MEI1: variants seen among roughly 807,000 people sequenced by gnomAD.
MEI1 encodes meiotic double-stranded break formation protein 1, also known as meiosis inhibitor protein 1.
Under a neutral mutation model 146.2 loss-of-function variants are expected in MEI1, and 103 were observed. The ratio of observed to expected loss-of-function variants is 0.70; its 90% CI spans 0.60 to 0.83. The LOEUF is 0.83. Among genes scored for constraint, MEI1 ranks in the 40% least tolerant of loss-of-function variants. The pLI, the probability that MEI1 is intolerant of heterozygous loss-of-function variation, is 0.00. For missense variants in MEI1, 1,529 were observed against 1,533.0 expected (o/e 1.00, Z 0.04); for synonymous variants, 652 against 628.2 (o/e 1.04, Z -0.57).
intron 9 of MEI1, 137 bp downstream of exon 9, chr22:41,730,774 CAT>C: frequency 1.7e-6 from 1 of 604,770 alleles, no homozygotes; most frequent in Non-Finnish European, 3.0e-6. Context: ...AGCCCAAACT[CAT>C]TACCAGATTT....
chr22:41,717,790 A>G (rs1189789064), intron 5 of MEI1, among the ~76,000 whole-genome samples: 1 of 150,810 alleles, frequency 6.6e-6, no homozygotes, highest in Non-Finnish European at 1.5e-5. Context: ...TAATTTTTGT[A>G]TTTTTAGTAG....
rs1384619533 is a variant in MEI1, at chr22:41,793,877, C to G, written c.3394C>G (p.Leu1132Val). Residue 1132 changes from leucine to valine, a missense_variant, in exon 27 of 31, where the codon CTT (leucine) becomes GTT (valine). By Grantham distance (32) the Leu-to-Val change is conservative. Around this residue, in one of 3 missense-constraint regions of MEI1, gnomAD observed 313 missense variants for 337.3 expected, o/e 0.93. Coordinates refer to ENST00000401548, the MANE Select transcript of MEI1 (RefSeq NM_152513.4). Reference sequence around the variant, plus strand: ...CTGTGTTGGCTGCCTGGAGGCCTTGCTTGACTACCTGGATGCCCGGAGCCC... The same window carrying G: ...CTGTGTTGGCTGCCTGGAGGCCTTGGTTGACTACCTGGATGCCCGGAGCCC... The part of the protein sequence containing the change: ...QACVGCLEAL[L>V]DYLDARSPDI... The G allele has an allele frequency of 1.2e-6, 2 of 1,612,292 alleles. No homozygotes were observed.
At chr22:41,710,931 G>A (rs371243037) in intron 3 of MEI1, among the ~76,000 whole-genome samples, 1 of 152,176 alleles carries the variant, frequency 6.6e-6, no homozygotes. Context: ...CCAGCGCATA[G>A]CCTCCAGCTC....
At chr22:41,798,671 G>A (rs2076463591) in intron 30 of MEI1, among the ~76,000 whole-genome samples, 1 of 150,804 alleles carries the variant, frequency 6.6e-6, no homozygotes, top group Non-Finnish European at 1.5e-5. Context: ...GTTCTGAGAC[G>A]AGCCTGGCCT....
At chr22:41,754,071 C>G in intron 17 of MEI1, 25 bp downstream of exon 17, 1 of 1,535,422 alleles carries the variant, frequency 6.5e-7, no homozygotes, top group Non-Finnish European at 9.0e-7. Context: ...TTTGACCACT[C>G]ATGTGGCCTG....
At chr22:41,706,544 T>C (rs2069109291) in intron 3 of MEI1, among the ~76,000 whole-genome samples, 1 of 151,988 alleles carries the variant, frequency 6.6e-6, no homozygotes, top group African/African-American at 2.4e-5. Flanking sequence ...TGCACACAGA[T>C]GGTGGTTAAA....
chr22:41,780,626 G>T (rs1202465549), intron 22 of MEI1, among the ~76,000 whole-genome samples: 1 of 149,208 alleles, frequency 6.7e-6, no homozygotes, highest in Admixed American at 6.7e-5. Flanking sequence ...TGTCACCCAG[G>T]TTGAAGTATA....
intron 1 of MEI1, among the ~76,000 whole-genome samples, chr22:41,702,877 G>A (rs1357465463): frequency 2.0e-5 from 3 of 152,012 alleles, no homozygotes; most frequent in Admixed American, 6.6e-5. Flanking sequence ...CTGCCACCAT[G>A]CCCGAGTAAT....
In MEI1 at chr22:41,699,552, A is replaced by C. The variant is rs1415443784; in HGVS notation, c.14A>C (p.Gln5Pro). Residue 5 changes from glutamine to proline, a missense_variant, in exon 1 of 31, where the codon CAG (glutamine) becomes CCG (proline). This residue lies in a region of MEI1 where 1,212 missense variants were observed against 1,178.9 expected (regional missense o/e 1.03). Coordinates refer to ENST00000401548, the MANE Select transcript of MEI1 (RefSeq NM_152513.4). ...GCAAGCGAGGAGATGGCTGTGAGGCAGGCGGCGACGGCGGGCACTCCCGGG... is the reference window on the plus strand; with the variant it reads ...GCAAGCGAGGAGATGGCTGTGAGGCCGGCGGCGACGGCGGGCACTCCCGGG... MAVR[Q>P]AATAGTPGPR... 2.5e-6 allele frequency: 4 copies of C among 1,611,696 alleles called. No individual in the cohort carries two copies. The highest frequency in any genetic ancestry group is 1.1e-5 in the South Asian group (1 of 90,870).
chr22:41,743,134 A>G lies in MEI1; in HGVS notation c.1386A>G (p.Leu462=). The change falls in exon 12 of 31, where the codon CTA becomes CTG. Residue 462 remains leucine (L), a synonymous_variant. Transcript: ENST00000401548. ...AGTATGGGGAACTGCAGGCTTTGCT[A>G]GAAGCCATGCTAAACCGATGTGCGG... ...PVQYGELQAL[L]EAMLNRCAEF... 6.2e-7 allele frequency: 1 copy of G among 1,613,380 alleles called. No individual in the cohort carries two copies. Among genetic ancestry groups the G allele is most frequent in the Admixed American group, 1.7e-5 (1 of 60,006 alleles).
rs750112551 is a variant in MEI1, at chr22:41,763,339, T to C, written c.2268+18T>C. ...TACGTGAGGTATGGACCACAATGCC[T>C]GGGCTCCTTGTCCTTCTGTACCTCT... On this transcript the variant is annotated intron_variant, in intron 19 of 30. Transcript: ENST00000401548. 4 of 1,612,516 alleles carry C rather than the reference T, an allele frequency of 2.5e-6. No individual in the cohort carries two copies. The highest frequency in any genetic ancestry group is 1.7e-4 in the Middle Eastern group (1 of 6,048).
chr22:41,731,112 G>A (rs1317821371), intron 9 of MEI1, among the ~76,000 whole-genome samples: 1 of 139,018 alleles, frequency 7.2e-6, no homozygotes, highest in Non-Finnish European at 1.5e-5. Flanking sequence ...GGAGTACAAT[G>A]GCGTGATCTC....
At chr22:41,786,797 G>A (rs1228923013) in intron 26 of MEI1, among the ~76,000 whole-genome samples, 2 of 152,162 alleles carry the variant, frequency 1.3e-5, no homozygotes, top group Admixed American at 6.5e-5. Flanking sequence ...GAAGAAGGAG[G>A]GGATCCAGAG....
intron 7 of MEI1, among the ~76,000 whole-genome samples, chr22:41,725,623 C>T (rs1022386039): frequency 3.3e-5 from 5 of 152,224 alleles, no homozygotes; most frequent in Non-Finnish European, 7.3e-5. Flanking sequence ...CAGTCTTTCC[C>T]TGGTCCTGCA....
chr22:41,781,481 T>C (rs1312353869), intron 23 of MEI1, 87 bp downstream of exon 23: 1 of 1,245,132 alleles, frequency 8.0e-7, no homozygotes, highest in African/African-American at 1.5e-5. Flanking sequence ...AAAAAACAAA[T>C]AGGGTTGTGT....
At chr22:41,759,806 G>A (rs1366495910) in intron 18 of MEI1, among the ~76,000 whole-genome samples, 2 of 152,086 alleles carry the variant, frequency 1.3e-5, no homozygotes, top group Non-Finnish European at 2.9e-5. Context: ...TCCAGCCTGG[G>A]TGTCAGAGTG....
Position 41,775,756 on chromosome 22 carries a change from G to T in MEI1, c.2545-346G>T, listed in dbSNP as rs1475556135. Among the ~76,000 whole-genome samples the T allele has an allele frequency of 3.9e-5, 6 of 152,000 alleles. No individual in the cohort carries two copies. The South Asian group carries it at 8.3e-4, about 21-fold the overall frequency. On this transcript the variant is annotated intron_variant, in intron 20 of 30. Transcript: ENST00000401548. The stretch of plus-strand genomic sequence containing the variant: ...CTACAGGCACTTGCCACCACGCCCA[G>T]CTAATTTTTTTGTATTTTTAGTAAA...
intron 30 of MEI1, among the ~76,000 whole-genome samples, chr22:41,798,537 C>T (rs1602221570): frequency 1.3e-5 from 2 of 150,636 alleles, no homozygotes; most frequent in South Asian, 2.1e-4. Context: ...AAGATCGCGC[C>T]ACTGTACTCC....
intron 19 of MEI1, among the ~76,000 whole-genome samples, chr22:41,768,354 A>T (rs1026957173): frequency 1.3e-5 from 2 of 151,144 alleles, no homozygotes; most frequent in Non-Finnish European, 2.9e-5. Context: ...GCGCCACTGC[A>T]TTCCAGTCTG....
Sources: gnomAD v4.1 joint callset for allele counts (sites outside exome capture counted in the v4.1 genomes callset) on GRCh38, gnomAD v4.1.1 for gene constraint, gnomAD v4.1.1 regional missense constraint, MANE v1.5 for transcripts, NCBI Gene and HGNC (gene_info 2026-07-23, HGNC 2026-07-21) for gene names.